LMO7: variants seen among roughly 807,000 people sequenced by gnomAD.
LMO7 encodes LIM domain only protein 7.
A neutral mutation model predicts 206.5 loss-of-function variants in LMO7; 120 were observed. The ratio of observed to expected loss-of-function variants is 0.58; its 90% CI spans 0.50 to 0.68. LMO7 has a LOEUF of 0.68. LMO7 is among the 30% of genes least tolerant of loss of function. LMO7 has a pLI of 0.00. For missense variants in LMO7, 1,959 were observed against 1,957.9 expected, an observed-to-expected ratio of 1.00 and a Z score of -0.01; for synonymous variants, 706 against 681.5, an observed-to-expected ratio of 1.04 and a Z score of -0.56.
At chr13:75,747,345 C>A (rs766171511) in intron 3 of LMO7, among the ~76,000 whole-genome samples, 1 of 152,142 alleles carries the variant, frequency 6.6e-6, no homozygotes, top group Non-Finnish European at 1.5e-5. Context: ...CACAGGTCAT[C>A]TTCCTGTGAA....
intron 1 of LMO7, among the ~76,000 whole-genome samples, chr13:75,691,582 C>T (rs1419466794): frequency 6.6e-6 from 1 of 152,098 alleles, no homozygotes; most frequent in Non-Finnish European, 1.5e-5. Flanking sequence ...GATGAACACT[C>T]CAGTGTTGAT....
At chr13:75,785,871 G>A (rs142667914) in intron 4 of LMO7, among the ~76,000 whole-genome samples, 28 of 152,286 alleles carry the variant, frequency 1.8e-4, no homozygotes, top group African/African-American at 6.7e-4. Context: ...TTTTGAGCAT[G>A]GGATCAAGTC....
chr13:75,646,574 ACTT>A (rs201515765), intron 1 of LMO7, among the ~76,000 whole-genome samples: 4,469 of 117,914 alleles, frequency 0.038, 179 homozygotes, highest in African/African-American at 0.1. Flanking sequence ...TGTAGAGAGA[ACTT>A]TTTTTTTTTT....
Position 75,659,278 on chromosome 13 carries a change from T to C in LMO7, c.69+22552T>C, listed in dbSNP as rs2038347899. Among the ~76,000 whole-genome samples the C allele has an allele frequency of 2.0e-5, 3 of 152,248 alleles. No homozygotes were observed. The South Asian group carries it at 6.2e-4, about 32-fold the overall frequency. On this transcript the variant is annotated intron_variant, in intron 1 of 30. Transcript: ENST00000377534. ...ATATTGAACTATATCACATGAATTT[T>C]TGGCATTTACTAAAAGTGTGTGAGT...
At chr13:75,779,296 A>G (rs1313937154) in intron 4 of LMO7, among the ~76,000 whole-genome samples, 2 of 152,178 alleles carry the variant, frequency 1.3e-5, no homozygotes, top group Non-Finnish European at 2.9e-5. Context: ...GGGAAGTATT[A>G]GCATAATTGG....
At chr13:75,685,890 C>CTTT (rs551370410) in intron 1 of LMO7, among the ~76,000 whole-genome samples, 120 of 105,954 alleles carry the variant, frequency 1.1e-3, no homozygotes, top group Non-Finnish European at 1.5e-3. Flanking sequence ...TTTTCTTTCT[C>CTTT]TTTTTTTTTT....
chr13:75,623,363 A>G, intron 2 of LMO7: 1 of 1,104,548 alleles, frequency 9.1e-7, no homozygotes. Context: ...CAGAAAGGCC[A>G]AAGCATTTTT....
At chr13:75,826,027 T>C (rs1020737140) in intron 15 of LMO7, among the ~76,000 whole-genome samples, 8 of 152,090 alleles carry the variant, frequency 5.3e-5, no homozygotes, top group African/African-American at 1.9e-4. Context: ...TTTCTTTCTT[T>C]TTTTAAAAAT....
At chr13:75,790,545 CTT>C (rs996195326) in intron 4 of LMO7, among the ~76,000 whole-genome samples, 1 of 152,150 alleles carries the variant, frequency 6.6e-6, no homozygotes, top group African/African-American at 2.4e-5. Flanking sequence ...TCTATGTAGA[CTT>C]TTTTACCCAC....
intron 2 of LMO7, among the ~76,000 whole-genome samples, chr13:75,629,581 G>A (rs1412067913): frequency 2.6e-5 from 4 of 152,174 alleles, no homozygotes; most frequent in East Asian, 1.9e-4. Flanking sequence ...AGGTCAAGTC[G>A]TGGTTAGAGA....
chr13:75,723,320 A>G (rs1594528625), intron 2 of LMO7, among the ~76,000 whole-genome samples: 1 of 152,154 alleles, frequency 6.6e-6, no homozygotes, highest in Non-Finnish European at 1.5e-5. Context: ...TAGAAAATGT[A>G]TGTGACAGAA....
chr13:75,723,181 AAAAT>A, intron 2 of LMO7, among the ~76,000 whole-genome samples: 1 of 150,798 alleles, frequency 6.6e-6, no homozygotes, highest in East Asian at 2.0e-4. Flanking sequence ...CTGAAATAAA[AAAAT>A]AAAAGATTAA....
At chr13:75,778,992 G>A (rs1225405252) in intron 4 of LMO7, among the ~76,000 whole-genome samples, 1 of 152,170 alleles carries the variant, frequency 6.6e-6, no homozygotes, top group African/African-American at 2.4e-5. Context: ...TGAGGAAGAA[G>A]AATGAATTCA....
At position 75,800,759 on chromosome 13, in the gene LMO7, G is replaced by A. The variant is rs1179668716; in HGVS notation, c.538G>A (p.Gly180Arg). 6.2e-7 allele frequency: 1 copy of A among 1,614,142 alleles called. No individual in the cohort carries two copies. The highest frequency in any genetic ancestry group is 8.5e-7 in the Non-Finnish European group (1 of 1,179,992). The change falls in exon 7 of 31, where the codon GGA becomes AGA. Residue 180 changes from glycine (G) to arginine (R), a missense_variant. By Grantham distance (125) the Gly-to-Arg change is moderately radical (BLOSUM62 -2). Coordinates refer to ENST00000377534, the MANE Select transcript of LMO7 (RefSeq NM_001306080.2). Reference sequence around the variant, plus strand: ...CGGTGACATCTGGTGTCCTGAACGTGGAGAATTTCTTGCTCCTCCAAGGCA... The same window carrying A: ...CGGTGACATCTGGTGTCCTGAACGTAGAGAATTTCTTGCTCCTCCAAGGCA... ...GYGDIWCPERGEFLAPPRHHK... is the reference protein window; with the variant it reads ...GYGDIWCPERREFLAPPRHHK...
intron 11 of LMO7, among the ~76,000 whole-genome samples, chr13:75,811,208 C>CT (rs764599899): frequency 0.44 from 56,792 of 130,464 alleles, 13,413 homozygotes; most frequent in Non-Finnish European, 0.52. Context: ...TTTTCTTTCT[C>CT]TTTTTTTTTT....
rs148659145 is a variant in LMO7 at position 75,841,932 on chromosome 13, G to T, written c.3980G>T (p.Arg1327Leu). 5 of 1,613,092 alleles carry T rather than the reference G, an allele frequency of 3.1e-6. No individual in the cohort carries two copies. Among genetic ancestry groups the T allele is most frequent in the African/African-American group, 1.3e-5 (1 of 75,006 alleles). Residue 1327 changes from arginine to leucine, a missense_variant, in exon 24 of 31, where the codon CGC (arginine) becomes CTC (leucine). Arg to Leu is a moderately radical substitution (Grantham distance 102). Coordinates refer to ENST00000377534, the MANE Select transcript of LMO7 (RefSeq NM_001306080.2). ...AAGCGTCCTGCGGAGGAGCAGAAGC[G>T]CCAGGCAGAGATAGAGCGGGAAACA... The part of the protein sequence containing the change: ...EQKRPAEEQK[R>L]QAEIERETSV...
chr13:75,660,736 A>C (rs2038507321), intron 1 of LMO7, among the ~76,000 whole-genome samples: 1 of 152,170 alleles, frequency 6.6e-6, no homozygotes, highest in South Asian at 2.1e-4. Context: ...GTCTATGAGT[A>C]GAAGGACCTT....
At chr13:75,819,218 G>T in intron 12 of LMO7, 175 bp from the exon 13 acceptor site, 1 of 572,002 alleles carries the variant, frequency 1.7e-6, no homozygotes, top group Non-Finnish European at 2.9e-6. Flanking sequence ...ACAGACACAT[G>T]AGATAAAGGC....
chr13:75,638,828 A>G (rs1002061739), intron 1 of LMO7, among the ~76,000 whole-genome samples: 1 of 152,090 alleles, frequency 6.6e-6, no homozygotes, highest in Non-Finnish European at 1.5e-5. Context: ...CATCATCACA[A>G]CCTCTTTAAG....
Sources: allele counts gnomAD v4.1 joint callset (sites outside exome capture counted in the v4.1 genomes callset), GRCh38; gene constraint gnomAD v4.1.1; transcripts MANE v1.5; gene names NCBI Gene and HGNC (gene_info 2026-07-23, HGNC 2026-07-21).